The following SEMA4A variants were observed in gnomAD, a reference collection of about 807,000 sequenced individuals.
SEMA4A encodes semaphorin 4A.
SEMA4A carries 52 observed loss-of-function variants against 72.5 expected under a neutral mutation model. The observed-to-expected ratio is 0.72, with a 90% CI of 0.57 to 0.90. The LOEUF (loss-of-function observed/expected upper bound fraction) is 0.90, where lower values mean the gene tolerates loss of function less well. SEMA4A is among the 40% of genes least tolerant of loss of function. SEMA4A has a pLI of 0.00. For missense variants in SEMA4A, 926 were observed against 959.7 expected (o/e 0.96, Z 0.46); for synonymous variants, 369 against 393.1 (o/e 0.94, Z 0.73).
intron 6 of SEMA4A, among the ~76,000 whole-genome samples, chr1:156,159,258 C>A (rs1218657896): frequency 6.6e-6 from 1 of 152,030 alleles, no homozygotes; most frequent in Non-Finnish European, 1.5e-5. Context: ...TGCTTGAACC[C>A]AGGAGGTGGA....
At chr1:156,152,994 G>C (rs1222527810), upstream of SEMA4A, among the ~76,000 whole-genome samples, 1 of 152,044 alleles carries the variant, frequency 6.6e-6, no homozygotes, top group African/African-American at 2.4e-5. Flanking sequence ...CCACCTTTGG[G>C]GGTTGGGTGC....
upstream of SEMA4A, among the ~76,000 whole-genome samples, chr1:156,148,335 T>C (rs1373345971): frequency 6.6e-6 from 1 of 152,206 alleles, no homozygotes; most frequent in East Asian, 1.9e-4. Flanking sequence ...GCAGGTCCTT[T>C]CTGAGTCCCC....
At chr1:156,147,586 G>A (rs567244984), upstream of SEMA4A, among the ~76,000 whole-genome samples, 46 of 152,094 alleles carry the variant, frequency 3.0e-4, no homozygotes, top group African/African-American at 9.6e-4. Context: ...ACTGGGGGAG[G>A]GGCAGCCTCA....
intron 13 of SEMA4A, 129 bp downstream of exon 13, chr1:156,175,372 T>G: frequency 1.6e-6 from 2 of 1,244,812 alleles, no homozygotes; most frequent in Non-Finnish European, 2.3e-6. Flanking sequence ...CATCCTGCAG[T>G]GGGTTCCTCC....
In SEMA4A at chr1:156,161,464, T is replaced by TCCC; in HGVS notation, c.931_933dup (p.Pro311dup). On this transcript the variant is annotated inframe_insertion, in exon 9 of 15. Transcript: ENST00000368285. ...AACGTCATCCGCCACGCGGTCCTGC[T>TCCC]CCCCGCCGATTCTCCCACAGCTCCC... 2.5e-6 allele frequency: 4 copies of TCCC among 1,613,810 alleles called. No individual in the cohort carries two copies. The highest frequency in any genetic ancestry group is 3.4e-6 in the Non-Finnish European group (4 of 1,179,944).
Position 156,157,700 on chromosome 1 carries a change from T to G in SEMA4A, c.301-370T>G, listed in dbSNP as rs1653169193. ...TGTTAAACAATTTCCCCAGGAAATG[T>G]GCGGTTTGACAACTGCTGCCATATA... On this transcript the variant is annotated intron_variant, in intron 3 of 14. Transcript: ENST00000368285. The surrounding 1 kb of genome is among the most constrained non-coding windows in gnomAD (Gnocchi z 4.5). 6.6e-6 allele frequency among the ~76,000 whole-genome samples: 1 copy of G among 152,220 alleles called. No individual in the cohort carries two copies. The highest frequency in any genetic ancestry group is 2.1e-4 in the South Asian group (1 of 4,830).
At chr1:156,163,509 G>T (rs758097908) in intron 10 of SEMA4A, among the ~76,000 whole-genome samples, 1 of 152,008 alleles carries the variant, frequency 6.6e-6, no homozygotes, top group Non-Finnish European at 1.5e-5. Context: ...ATCACTTGAG[G>T]TCAGGAGTTT....
intron 10 of SEMA4A, among the ~76,000 whole-genome samples, chr1:156,170,899 T>C (rs888420565): frequency 6.6e-6 from 1 of 151,626 alleles, no homozygotes; most frequent in South Asian, 2.1e-4. Flanking sequence ...CCAGCCTGGA[T>C]GACAGTGAGA....
rs541875874 is a variant in SEMA4A at position 156,158,508 on chromosome 1, G to A, written c.462+22G>A. ...CATTGTGAGTTCTCTGGTGCCCAGC[G>A]CTCAGGCCCCCAAGCATCCCTTCTC... On this transcript the variant is annotated intron_variant, in intron 5 of 14. Transcript: ENST00000368285. 6.0e-5 allele frequency: 94 copies of A among 1,569,888 alleles called. No homozygotes were observed. The South Asian group carries it at 7.5e-4, about 13-fold the overall frequency.
In SEMA4A at chr1:156,176,973, C is replaced by G. The variant is rs1428804342; in HGVS notation, c.2262C>G (p.Asn754Lys). 1.2e-6 allele frequency: 2 copies of G among 1,611,908 alleles called. No homozygotes were observed. Among genetic ancestry groups the G allele is most frequent in the Non-Finnish European group, 1.7e-6 (2 of 1,180,026 alleles). The change falls in exon 15 of 15, where the codon AAC becomes AAG. Residue 754 changes from asparagine to lysine, a missense_variant. By Grantham distance (94) the Asn-to-Lys change is moderately conservative. Coordinates refer to ENST00000368285, the MANE Select transcript of SEMA4A (RefSeq NM_022367.4). The stretch of plus-strand genomic sequence containing the variant: ...CCAGTGATGTGGACGCTGACAACAA[C>G]TGCCTAGGCACTGAGGTAGCTTAAA... The part of the protein sequence containing the change: ...TSASDVDADN[N>K]CLGTEVA
chr1:156,154,260 C>CA (rs1427227465), intron 1 of SEMA4A: 8 of 400,728 alleles, frequency 2.0e-5, no homozygotes, highest in South Asian at 6.5e-5. Flanking sequence ...GAGAGTAAGG[C>CA]AAAAAAAGGC....
chr1:156,169,481 G>A (rs1405800729), intron 10 of SEMA4A, among the ~76,000 whole-genome samples: 2 of 140,560 alleles, frequency 1.4e-5, no homozygotes, highest in African/African-American at 5.3e-5. Flanking sequence ...GAGCAGTGGT[G>A]CGATCTCGGC....
At chr1:156,149,487 AAG>A (rs897634459), upstream of SEMA4A, among the ~76,000 whole-genome samples, 2 of 152,170 alleles carry the variant, frequency 1.3e-5, no homozygotes, top group Non-Finnish European at 2.9e-5. Flanking sequence ...CCTCCCTCAG[AAG>A]TCAGGATACT....
Position 156,163,422 on chromosome 1 carries a change from A to T in SEMA4A, c.1134+328A>T, listed in dbSNP as rs141373519. 2.2e-4 allele frequency: 75 copies of T among 335,444 alleles called. No homozygotes were observed. The East Asian group carries it at 3.2e-3, about 15-fold the overall frequency. 20.8% of individuals were successfully genotyped at this position (335,444 alleles called of 1,614,324 possible). ...GCCACCTGCATTTATTTAACTTTTTAAAAAAATCAGAGGCCAGGGCCGGGT... is the reference window on the plus strand; with the variant it reads ...GCCACCTGCATTTATTTAACTTTTTTAAAAAATCAGAGGCCAGGGCCGGGT... On this transcript the variant is annotated intron_variant, in intron 10 of 14. Coordinates refer to ENST00000368285, the MANE Select transcript of SEMA4A (RefSeq NM_022367.4).
In SEMA4A at chr1:156,176,895, C is replaced by A. The variant is rs1182157412; in HGVS notation, c.2184C>A (p.Ala728=). Residue 728 remains alanine (A), a synonymous_variant, in exon 15 of 15, where the codon GCC becomes GCA. Coordinates refer to ENST00000368285, the MANE Select transcript of SEMA4A (RefSeq NM_022367.4). ...AGACCCTGCGCCCTGGGGAGAAGGC[C>A]CCGTTAAGCAGAGAGCAACACCTCC... ...GCETLRPGEK[A]PLSREQHLQS... is the part of the protein sequence containing the mutation. The A allele has an allele frequency of 1.2e-6, 2 of 1,614,114 alleles. No individual in the cohort carries two copies. The highest frequency in any genetic ancestry group is 1.7e-5 in the Admixed American group (1 of 60,010).
At chr1:156,169,416 T>C (rs1301277157) in intron 10 of SEMA4A, among the ~76,000 whole-genome samples, 2 of 129,210 alleles carry the variant, frequency 1.5e-5, no homozygotes, top group Non-Finnish European at 1.6e-5. Flanking sequence ...TCTTTTTTTT[T>C]TTTTTTTTTT....
rs1376324812 is a variant in SEMA4A, at chr1:156,174,944, G to A, written c.1434+4G>A. The A allele has an allele frequency of 1.2e-6, 2 of 1,614,120 alleles. No individual in the cohort carries two copies. Among genetic ancestry groups the A allele is most frequent in the Non-Finnish European group, 1.7e-6 (2 of 1,180,046 alleles). ...CCTGCAGCTGGCCCCCACCCAGGTG[G>A]GAAGGGACCTGACCATCAAATGGCC... On this transcript the variant is annotated splice_donor_region_variant and intron_variant, in intron 12 of 14. Coordinates refer to ENST00000368285, the MANE Select transcript of SEMA4A (RefSeq NM_022367.4).
chr1:156,159,060 T>G (rs1653332663), intron 6 of SEMA4A: 2 of 526,852 alleles, frequency 3.8e-6, no homozygotes, highest in Non-Finnish European at 6.7e-6. Context: ...CCTCAGTGCC[T>G]CATGCCTGTA....
chr1:156,148,801 C>CTTTTTTTT (rs371528689), upstream of SEMA4A, among the ~76,000 whole-genome samples: 5 of 128,732 alleles, frequency 3.9e-5, no homozygotes, highest in African/African-American at 8.9e-5. Context: ...TTTCTTTTTT[C>CTTTTTTTT]TTTTTTTTTT....
Sources: gnomAD v4.1 joint callset for allele counts (sites outside exome capture counted in the v4.1 genomes callset) on GRCh38, gnomAD v4.1.1 for gene constraint, Gnocchi (gnomAD v3.1) non-coding constraint, MANE v1.5 for transcripts, NCBI Gene and HGNC (gene_info 2026-07-23, HGNC 2026-07-21) for gene names.